BOC: variants seen among roughly 807,000 people sequenced by gnomAD.
BOC encodes brother of CDO.
In BOC, 76 loss-of-function variants were observed where a neutral mutation model predicts 112.0. That is an observed-to-expected ratio of 0.68 (90% confidence interval 0.56 to 0.82). BOC has a LOEUF of 0.82. Among genes scored for constraint, BOC ranks in the 40% least tolerant of loss-of-function variants. The probability of loss-of-function intolerance (pLI) is 0.00; values close to 1 mark genes in which losing one functional copy is unlikely to be tolerated. For missense variants in BOC, 1,309 were observed against 1,511.7 expected, an observed-to-expected ratio of 0.87 and a Z score of 2.22; for synonymous variants, 580 against 599.8, an observed-to-expected ratio of 0.97 and a Z score of 0.48.
intron 2 of BOC, among the ~76,000 whole-genome samples, chr3:113,242,670 C>T (rs1944452379): frequency 1.3e-5 from 2 of 151,954 alleles, no homozygotes; most frequent in African/African-American, 4.8e-5. Flanking sequence ...TGCTAATCTC[C>T]CCAAAATGCC....
intron 2 of BOC, among the ~76,000 whole-genome samples, chr3:113,227,856 A>C (rs1941922866): frequency 1.3e-5 from 2 of 152,176 alleles, no homozygotes; most frequent in African/African-American, 2.4e-5. Flanking sequence ...TATCAAGACA[A>C]ACAAGTGTTT....
chr3:113,267,466 T>G (rs999405771), intron 4 of BOC, among the ~76,000 whole-genome samples: 1 of 152,206 alleles, frequency 6.6e-6, no homozygotes, highest in Admixed American at 6.5e-5. Context: ...AGTCTCATGT[T>G]AGGACCCTGG....
intron 4 of BOC, among the ~76,000 whole-genome samples, chr3:113,253,847 C>G (rs564297662): frequency 2.6e-5 from 4 of 152,292 alleles, no homozygotes; most frequent in African/African-American, 9.6e-5. Flanking sequence ...AATGCGTGTG[C>G]CCTTAAAGAG....
At chr3:113,272,272 C>T in intron 6 of BOC, 138 bp from the exon 7 acceptor site, 1 of 905,210 alleles carries the variant, frequency 1.1e-6, no homozygotes, top group Non-Finnish European at 1.7e-6. Flanking sequence ...CTGTAGCACG[C>T]CCCACTCTAC....
chr3:113,278,181 G>A lies in BOC; in HGVS notation c.1629G>A (p.Gly543=), dbSNP rs570748418. 28 of 1,614,216 alleles carry A rather than the reference G, an allele frequency of 1.7e-5. No homozygotes were observed. The South Asian group carries it at 2.9e-4, about 16-fold the overall frequency. Reference sequence around the variant, plus strand: ...TGACCCTCACCAGACTTGACCCCGGGAGCTTGTATGAAGTGGAGATGGCAG... The same window carrying A: ...TGACCCTCACCAGACTTGACCCCGGAAGCTTGTATGAAGTGGAGATGGCAG... ...HRLTLTRLDP[G]SLYEVEMAAY... is the part of the protein sequence containing the mutation. The change falls in exon 10 of 20, where the codon GGG becomes GGA. Residue 543 remains glycine, a synonymous_variant. Coordinates refer to ENST00000682979, the MANE Select transcript of BOC (RefSeq NM_001378074.1). This position sits in a 1 kb window ranked among gnomAD's most constrained non-coding sequence, Gnocchi z 4.2.
At chr3:113,255,539 G>A (rs146870249) in intron 4 of BOC, among the ~76,000 whole-genome samples, 9 of 152,300 alleles carry the variant, frequency 5.9e-5, no homozygotes, top group African/African-American at 2.2e-4. Context: ...CCCACTGGTA[G>A]CTGGAAATAA....
intron 4 of BOC, among the ~76,000 whole-genome samples, chr3:113,254,370 G>A (rs1363078870): frequency 6.6e-6 from 1 of 152,214 alleles, no homozygotes; most frequent in African/African-American, 2.4e-5. Context: ...GAGTGGAACT[G>A]CAAAGCTTGG....
chr3:113,214,387 C>A (rs58164425), intron 1 of BOC, among the ~76,000 whole-genome samples: 3,674 of 152,246 alleles, frequency 0.024, 99 homozygotes, highest in African/African-American at 0.059. Context: ...GGACCCCCCA[C>A]GGTTTGAAAA....
At position 113,250,722 on chromosome 3, in the gene BOC, G is replaced by A. The variant is rs368721130; in HGVS notation, c.265G>A (p.Gly89Arg). Residue 89 changes from glycine to arginine, a missense_variant, in exon 4 of 20, where the codon GGG (glycine) becomes AGG (arginine). Physicochemically the swap from Gly to Arg is moderately radical, Grantham distance 125 (BLOSUM62 -2). Coordinates refer to ENST00000682979, the MANE Select transcript of BOC (RefSeq NM_001378074.1). The stretch of plus-strand genomic sequence containing the variant: ...TGCTCTGGGTGTCCTCATCACCCAC[G>A]GGACCCTCGTCATCACTGCCCTTAA... ...DDALGVLITH[G>R]TLVITALNNH... The A allele has an allele frequency of 2.5e-5, 40 of 1,614,080 alleles. No individual in the cohort carries two copies. The highest frequency in any genetic ancestry group is 5.5e-5 in the South Asian group (5 of 91,068).
chr3:113,254,287 C>G (rs1330984215), intron 4 of BOC, among the ~76,000 whole-genome samples: 1 of 152,166 alleles, frequency 6.6e-6, no homozygotes, highest in East Asian at 1.9e-4. Context: ...TTGGGCCTGA[C>G]TAGAAAGAAG....
Position 113,280,563 on chromosome 3 carries a change from C to A in BOC, c.2211C>A (p.Ile737=). The A allele has an allele frequency of 6.2e-7, 1 of 1,604,020 alleles. No individual in the cohort carries two copies. Residue 737 remains isoleucine (I), a synonymous_variant, in exon 14 of 20, where the codon ATC becomes ATA. Coordinates refer to ENST00000682979, the MANE Select transcript of BOC (RefSeq NM_001378074.1). ...ETTIMLKWMY[I]PASNNNTPIH... ...TTCTTCTCCATTCCCTATAGTACATCCCAGCAAGTAACAACAACACCCCAA... is the reference window on the plus strand; with the variant it reads ...TTCTTCTCCATTCCCTATAGTACATACCAGCAAGTAACAACAACACCCCAA...
intron 6 of BOC, 95 bp from the exon 7 acceptor site, chr3:113,272,315 C>T: frequency 1.5e-6 from 2 of 1,378,032 alleles, no homozygotes; most frequent in Middle Eastern, 2.5e-4. Flanking sequence ...GCTGTTTGAT[C>T]CCATCTCCAT....
At chr3:113,273,811 T>C (rs1948391726) in intron 8 of BOC, among the ~76,000 whole-genome samples, 2 of 152,152 alleles carry the variant, frequency 1.3e-5, no homozygotes. Context: ...AAGTCAGCAT[T>C]ATCGGGTGCC....
At position 113,284,810 on chromosome 3, in the gene BOC, A is replaced by G. The variant is rs2107756941; in HGVS notation, c.2918A>G (p.Gln973Arg). The change falls in exon 18 of 20, where the codon CAG becomes CGG. Residue 973 changes from glutamine (Q) to arginine (R), a missense_variant. By Grantham distance (43) the Gln-to-Arg change is conservative (BLOSUM62 1). Transcript: ENST00000682979. ...QQSDTSSLLR[Q>R]THLGNGYDPQ... The stretch of plus-strand genomic sequence containing the variant: ...AGTGACACCAGCAGCCTGCTGAGGC[A>G]GACCCATCTTGGCAATGGATATGAC... 1 of 1,614,226 alleles carries G rather than the reference A, an allele frequency of 6.2e-7. No homozygotes were observed. Among genetic ancestry groups the G allele is most frequent in the Non-Finnish European group, 8.5e-7 (1 of 1,180,018 alleles).
At chr3:113,255,786 T>C (rs1246868666) in intron 4 of BOC, among the ~76,000 whole-genome samples, 8 of 152,224 alleles carry the variant, frequency 5.3e-5, no homozygotes, top group Non-Finnish European at 1.2e-4. Context: ...CCACTCAACC[T>C]CATGAATCTC....
In BOC at chr3:113,233,148, G is replaced by GGTGTGTGTGTGTGT. The variant is rs59444901; in HGVS notation, c.-81-16539_-81-16526dup. On this transcript the variant is annotated intron_variant, in intron 2 of 19. Transcript: ENST00000682979. ...CATGCATGAGCATGTAAAGGATTGG[G>GGTGTGTGTGTGTGT]GTGTGTGTGTGTGTGTGTGTGTGTG... Among the ~76,000 whole-genome samples the GGTGTGTGTGTGTGT allele has an allele frequency of 3.0e-3, 366 of 124,022 alleles. 9 individuals carry two copies. The highest frequency in any genetic ancestry group is 7.9e-3 in the East Asian group (31 of 3,936). The allele number at this position is 124,022 out of a possible 152,430, so 81.4% of individuals were successfully genotyped here. A position where few individuals can be genotyped will look rare whatever the true frequency, so the allele number is the denominator to read the frequency against.
At position 113,272,708 on chromosome 3, in the gene BOC, G is replaced by GTGTCTGCTGTGGAC; in HGVS notation, c.961+11_961+24dup. The stretch of plus-strand genomic sequence containing the variant: ...TCTACAATGTCCAGGTGTTTGGTGA[G>GTGTCTGCTGTGGAC]TGTCTGCTGTGGACTGTCTTCTGCT... On this transcript the variant is annotated splice_donor_region_variant and intron_variant, in intron 7 of 19. Coordinates refer to ENST00000682979, the MANE Select transcript of BOC (RefSeq NM_001378074.1). The GTGTCTGCTGTGGAC allele has an allele frequency of 6.2e-7, 1 of 1,613,148 alleles. No homozygotes were observed. Among genetic ancestry groups the GTGTCTGCTGTGGAC allele is most frequent in the Non-Finnish European group, 8.5e-7 (1 of 1,179,526 alleles).
At chr3:113,263,666 A>G (rs917435271) in intron 4 of BOC, among the ~76,000 whole-genome samples, 1 of 152,244 alleles carries the variant, frequency 6.6e-6, no homozygotes, top group African/African-American at 2.4e-5. Context: ...TTAATATTTG[A>G]CAATTTGTGT....
At chr3:113,222,986 G>A (rs186296289) in intron 2 of BOC, among the ~76,000 whole-genome samples, 87 of 152,358 alleles carry the variant, frequency 5.7e-4, no homozygotes, top group African/African-American at 1.8e-3. Flanking sequence ...GCCACAGGCC[G>A]TGGAAGTAAG....
Sources: gnomAD v4.1 joint callset for allele counts (sites outside exome capture counted in the v4.1 genomes callset) on GRCh38, gnomAD v4.1.1 for gene constraint, Gnocchi (gnomAD v3.1) non-coding constraint, MANE v1.5 for transcripts, NCBI Gene and HGNC (gene_info 2026-07-23, HGNC 2026-07-21) for gene names.